Variants in ERC2 observed in about 807,000 individuals in gnomAD.
The protein encoded by ERC2 is ELKS/RAB6-interacting/CAST family member 2, also known as ERC protein 2.
ERC2 carries 42 observed loss-of-function variants against 114.8 expected under a neutral mutation model. The observed-to-expected ratio is 0.37, with a 90% CI of 0.29 to 0.47. The LOEUF (loss-of-function observed/expected upper bound fraction) is 0.47. Among genes scored for constraint, ERC2 ranks in the 20% least tolerant of loss-of-function variants. ERC2 has a pLI of 0.99. For missense variants in ERC2, 939 were observed against 1,150.7 expected (o/e 0.82, Z 2.66); for synonymous variants, 454 against 425.5 (o/e 1.07, Z -0.82).
chr3:56,324,314 C>A (rs2057259169), intron 2 of ERC2, among the ~76,000 whole-genome samples: 1 of 152,202 alleles, frequency 6.6e-6, no homozygotes, highest in South Asian at 2.1e-4. Context: ...ATACCAAGTG[C>A]AGTCTCAGGG....
chr3:55,960,454 G>A (rs1166565837), intron 12 of ERC2, among the ~76,000 whole-genome samples: 1 of 152,166 alleles, frequency 6.6e-6, no homozygotes, highest in East Asian at 1.9e-4. Context: ...CTCAGTTGAA[G>A]TAATGCCTCC....
At chr3:55,942,765 G>A (rs1044688725) in intron 13 of ERC2, among the ~76,000 whole-genome samples, 4 of 152,126 alleles carry the variant, frequency 2.6e-5, no homozygotes, top group Non-Finnish European at 5.9e-5. Flanking sequence ...CAGGACAGAC[G>A]ATTAAGTGAA....
At position 56,276,580 on chromosome 3, in the gene ERC2, G is replaced by A. The variant is rs548348236; in HGVS notation, c.1074+19439C>T. ...TAACCATGGCATATTGTGGTGTTAA[G>A]AATCTTTAAATGCCATATTGTTTAA... On this transcript the variant is annotated intron_variant, in intron 3 of 17. Coordinates refer to ENST00000288221, the MANE Select transcript of ERC2 (RefSeq NM_015576.3). 7.2e-5 allele frequency among the ~76,000 whole-genome samples: 11 copies of A among 151,814 alleles called. No homozygotes were observed. In the South Asian group the frequency reaches 1.0e-3, roughly 14 times the overall value.
At position 55,952,179 on chromosome 3, in the gene ERC2, A is replaced by ATAT. The variant is rs2067608452; in HGVS notation, c.2268-1620_2268-1619insATA. Reference sequence around the variant, plus strand: ...CACACACACACACACACACACACACACTCTCTCTCTCTCTCTCTCTATATA... The same window carrying ATAT: ...CACACACACACACACACACACACACATATCTCTCTCTCTCTCTCTCTCTATATA... On this transcript the variant is annotated intron_variant, in intron 12 of 17. Coordinates refer to ENST00000288221, the MANE Select transcript of ERC2 (RefSeq NM_015576.3). Among the ~76,000 whole-genome samples, 45 of 62,106 alleles carry ATAT rather than the reference A, an allele frequency of 7.2e-4. 1 individual carries two copies. In the East Asian group the frequency reaches 0.016, roughly 22 times the overall value. 40.7% of individuals were successfully genotyped at this position (62,106 alleles called of 152,430 possible). A position where few individuals can be genotyped will look rare whatever the true frequency, so the allele number is the denominator to read the frequency against.
intron 2 of ERC2, among the ~76,000 whole-genome samples, chr3:56,423,572 T>C (rs2061462692): frequency 6.6e-6 from 1 of 152,232 alleles, no homozygotes; most frequent in African/African-American, 2.4e-5. Context: ...CGCCCAGCCA[T>C]GGGTTTGTAA....
chr3:56,101,827 C>T (rs2078375370), intron 6 of ERC2, among the ~76,000 whole-genome samples: 1 of 152,166 alleles, frequency 6.6e-6, no homozygotes. Context: ...CTCAGAGCCT[C>T]AGAGGAGAAT....
At chr3:55,885,815 A>G (rs2063328737) in intron 14 of ERC2, among the ~76,000 whole-genome samples, 1 of 152,114 alleles carries the variant, frequency 6.6e-6, no homozygotes, top group Non-Finnish European at 1.5e-5. Context: ...ACCCCTCCTC[A>G]CAACCACCCC....
At chr3:56,405,668 T>C (rs1284964575) in intron 2 of ERC2, among the ~76,000 whole-genome samples, 3 of 152,152 alleles carry the variant, frequency 2.0e-5, no homozygotes, top group African/African-American at 7.2e-5. Context: ...GACAGATAGA[T>C]AGATAGATGA....
chr3:56,222,862 T>G (rs906004871), intron 3 of ERC2, among the ~76,000 whole-genome samples: 2 of 152,212 alleles, frequency 1.3e-5, no homozygotes, highest in African/African-American at 2.4e-5. Flanking sequence ...AAAGGAGACC[T>G]CTAGACAGAC....
chr3:56,454,967 G>A (rs1427976623), intron 1 of ERC2, among the ~76,000 whole-genome samples: 4 of 151,122 alleles, frequency 2.6e-5, no homozygotes, highest in Non-Finnish European at 5.9e-5. Context: ...CTCAAATATT[G>A]TCTGATATCA....
intron 15 of ERC2, among the ~76,000 whole-genome samples, chr3:55,734,146 A>G (rs1225380463): frequency 1.3e-5 from 2 of 152,180 alleles, no homozygotes; most frequent in Non-Finnish European, 2.9e-5. Context: ...CATGTCCCTC[A>G]AAACAAATAC....
At chr3:55,525,218 T>G (rs2053232476) in intron 17 of ERC2, among the ~76,000 whole-genome samples, 1 of 152,246 alleles carries the variant, frequency 6.6e-6, no homozygotes, top group Non-Finnish European at 1.5e-5. Context: ...GGGATACAGT[T>G]ATAATTTTTG....
chr3:55,953,562 T>C (rs1576341363), intron 12 of ERC2, among the ~76,000 whole-genome samples: 1 of 152,192 alleles, frequency 6.6e-6, no homozygotes. Context: ...GAAGGATTTC[T>C]CTGGCACAGG....
chr3:56,081,590 CA>C lies in ERC2; in HGVS notation c.1474-607del, dbSNP rs1025402334. The stretch of plus-strand genomic sequence containing the variant: ...AAAAAAAAGAAAAAGACAAAGCATA[CA>C]AAAAAAAATTCCTCCTTGTAACTCA... On this transcript the variant is annotated intron_variant, in intron 6 of 17. Transcript: ENST00000288221. Among the ~76,000 whole-genome samples, 7 of 150,108 alleles carry C rather than the reference CA, an allele frequency of 4.7e-5. No individual in the cohort carries two copies. In the South Asian group the frequency reaches 6.3e-4, roughly 14 times the overall value.
chr3:55,894,873 C>A (rs900927470), intron 13 of ERC2, among the ~76,000 whole-genome samples: 9 of 152,184 alleles, frequency 5.9e-5, no homozygotes, highest in Non-Finnish European at 1.3e-4. Context: ...AGTAGTGCCA[C>A]AGAAGTATCA....
chr3:56,069,151 C>T (rs2076613427), intron 7 of ERC2, among the ~76,000 whole-genome samples: 1 of 152,104 alleles, frequency 6.6e-6, no homozygotes, highest in African/African-American at 2.4e-5. Flanking sequence ...TTAAGGTCTC[C>T]CACTATTATT....
At chr3:55,814,117 T>C (rs2059821600) in intron 14 of ERC2, among the ~76,000 whole-genome samples, 1 of 152,106 alleles carries the variant, frequency 6.6e-6, no homozygotes, top group Admixed American at 6.5e-5. Context: ...TGAAACAGAA[T>C]GAAAAACAAA....
At chr3:56,218,386 A>G (rs2049647155) in intron 3 of ERC2, among the ~76,000 whole-genome samples, 1 of 152,250 alleles carries the variant, frequency 6.6e-6, no homozygotes, top group African/African-American at 2.4e-5. Flanking sequence ...GACACATGAA[A>G]AAATGCTCAT....
chr3:55,943,095 G>T (rs1185502708), intron 13 of ERC2, among the ~76,000 whole-genome samples: 1 of 152,172 alleles, frequency 6.6e-6, no homozygotes, highest in Non-Finnish European at 1.5e-5. Flanking sequence ...TAAACCTGAG[G>T]TAATTATCCT....
Sources: allele counts gnomAD v4.1 joint callset (sites outside exome capture counted in the v4.1 genomes callset), GRCh38; gene constraint gnomAD v4.1.1; transcripts MANE v1.5; gene names NCBI Gene and HGNC (gene_info 2026-07-23, HGNC 2026-07-21).